The following CNTNAP2 variants were observed in gnomAD, a reference collection of about 807,000 sequenced individuals.
The protein encoded by CNTNAP2 is contactin associated protein 2.
A neutral mutation model predicts 155.2 loss-of-function variants in CNTNAP2; 98 were observed. The observed-to-expected ratio is 0.63, with a 90% confidence interval of 0.54 to 0.75. The LOEUF (loss-of-function observed/expected upper bound fraction) is 0.75. CNTNAP2 is among the 30% of genes least tolerant of loss of function. CNTNAP2 has a pLI of 0.00. For missense variants in CNTNAP2, 1,727 were observed against 1,688.1 expected (o/e 1.02, Z -0.40); for synonymous variants, 651 against 631.2 (o/e 1.03, Z -0.47).
At chr7:146,252,610 A>G (rs1226892293) in intron 1 of CNTNAP2, among the ~76,000 whole-genome samples, 4 of 152,258 alleles carry the variant, frequency 2.6e-5, no homozygotes, top group African/African-American at 9.6e-5. Flanking sequence ...AGAGTCTGAA[A>G]GCAAGCTTGG....
intron 1 of CNTNAP2, among the ~76,000 whole-genome samples, chr7:146,559,508 G>A (rs1798249181): frequency 6.6e-6 from 1 of 151,948 alleles, no homozygotes; most frequent in African/African-American, 2.4e-5. Context: ...TGCGGAGGAT[G>A]CAGGGAGCCG....
chr7:147,782,327 T>C (rs1484105364), intron 13 of CNTNAP2, among the ~76,000 whole-genome samples: 2 of 152,212 alleles, frequency 1.3e-5, no homozygotes, highest in East Asian at 1.9e-4. Context: ...ATGTGAAAAG[T>C]ATGTCTTGCA....
At chr7:148,177,893 C>CTTTTT (rs745673645) in intron 18 of CNTNAP2, among the ~76,000 whole-genome samples, 1 of 72,718 alleles carries the variant, frequency 1.4e-5, no homozygotes, top group African/African-American at 6.4e-5. Context: ...TGAACAGACA[C>CTTTTT]TGTTTTTTTT....
chr7:146,635,643 G>A (rs1270805572), intron 1 of CNTNAP2, among the ~76,000 whole-genome samples: 1 of 152,122 alleles, frequency 6.6e-6, no homozygotes, highest in Non-Finnish European at 1.5e-5. Context: ...GACTGTAAGA[G>A]GCTTTTGTCT....
rs139157902 is a variant in CNTNAP2 at position 147,031,063 on chromosome 7, T to C, written c.403-12844T>C. 2.0e-3 allele frequency among the ~76,000 whole-genome samples: 298 copies of C among 152,324 alleles called. 2 individuals carry two copies. The highest frequency in any genetic ancestry group is 5.9e-3 in the African/African-American group (245 of 41,570). ...TCTTCTACATTTTCGTATCCATTTC[T>C]ACCTCCAAACCTCTGCTTCTTAGGT... On this transcript the variant is annotated intron_variant, in intron 3 of 23. Coordinates refer to ENST00000361727, the MANE Select transcript of CNTNAP2 (RefSeq NM_014141.6).
chr7:146,875,934 CAAAAAAAAAAAAAAAA>C (rs56304234), intron 3 of CNTNAP2, among the ~76,000 whole-genome samples: 1 of 55,134 alleles, frequency 1.8e-5, no homozygotes, highest in African/African-American at 6.1e-5. Context: ...ACATACACAG[CAAAAAAAAAAAAAAAA>C]AAAAAAAAAA....
In CNTNAP2 at chr7:147,154,133, C is replaced by T. The variant is rs1435712127; in HGVS notation, c.1348+21624C>T. On this transcript the variant is annotated intron_variant, in intron 8 of 23. Coordinates refer to ENST00000361727, the MANE Select transcript of CNTNAP2 (RefSeq NM_014141.6). ...ACAAAAAAAAAGAAGAATAATTACCCACTAGATGTAATAACATTCATAATG... is the reference window on the plus strand; with the variant it reads ...ACAAAAAAAAAGAAGAATAATTACCTACTAGATGTAATAACATTCATAATG... 2.0e-5 allele frequency among the ~76,000 whole-genome samples: 3 copies of T among 152,070 alleles called. No individual in the cohort carries two copies. The East Asian group carries it at 5.8e-4, about 30-fold the overall frequency.
intron 18 of CNTNAP2, among the ~76,000 whole-genome samples, chr7:148,175,853 A>G (rs1794924987): frequency 6.6e-6 from 1 of 151,508 alleles, no homozygotes; most frequent in Admixed American, 6.6e-5. Context: ...CATCCTCCTT[A>G]TCATCCTCCT....
intron 13 of CNTNAP2, among the ~76,000 whole-genome samples, chr7:147,702,654 T>C (rs886638812): frequency 6.6e-6 from 1 of 151,974 alleles, no homozygotes; most frequent in Non-Finnish European, 1.5e-5. Flanking sequence ...TTCCGGAGGC[T>C]TGCAGATGGA....
chr7:146,611,090 G>T (rs553879867), intron 1 of CNTNAP2, among the ~76,000 whole-genome samples: 1 of 152,136 alleles, frequency 6.6e-6, no homozygotes, highest in Non-Finnish European at 1.5e-5. Flanking sequence ...AAGCAAAGCC[G>T]TTTATGTATT....
chr7:147,223,254 G>T (rs1352523078), intron 8 of CNTNAP2, among the ~76,000 whole-genome samples: 1 of 152,096 alleles, frequency 6.6e-6, no homozygotes, highest in Non-Finnish European at 1.5e-5. Flanking sequence ...TTCAAAGGGA[G>T]GACTCTAAAC....
At chr7:147,423,314 T>C (rs1797327374) in intron 10 of CNTNAP2, among the ~76,000 whole-genome samples, 1 of 152,198 alleles carries the variant, frequency 6.6e-6, no homozygotes, top group African/African-American at 2.4e-5. Context: ...CTGATGTTTG[T>C]TTCAAGGATC....
intron 8 of CNTNAP2, among the ~76,000 whole-genome samples, chr7:147,220,398 C>A (rs940196578): frequency 6.6e-6 from 1 of 152,164 alleles, no homozygotes; most frequent in African/African-American, 2.4e-5. Flanking sequence ...ATAGACAACA[C>A]AGAGTTGAGT....
At chr7:147,350,691 T>C (rs1340050379) in intron 9 of CNTNAP2, among the ~76,000 whole-genome samples, 5 of 151,814 alleles carry the variant, frequency 3.3e-5, no homozygotes, top group Non-Finnish European at 7.4e-5. Context: ...GTATAAAATA[T>C]GCATTCAGTA....
intron 10 of CNTNAP2, among the ~76,000 whole-genome samples, chr7:147,474,803 AAGG>A (rs1209165242): frequency 6.6e-6 from 1 of 152,160 alleles, no homozygotes; most frequent in Non-Finnish European, 1.5e-5. Flanking sequence ...AAGCTCAATC[AAGG>A]AGAAGTTTAG....
At chr7:148,223,552 A>C (rs1449053976) in intron 19 of CNTNAP2, among the ~76,000 whole-genome samples, 1 of 152,230 alleles carries the variant, frequency 6.6e-6, no homozygotes, top group Non-Finnish European at 1.5e-5. Context: ...CAGCATTTGA[A>C]TAATGTTTTA....
intron 3 of CNTNAP2, among the ~76,000 whole-genome samples, chr7:146,995,758 T>A (rs762668836): frequency 2.0e-5 from 3 of 152,220 alleles, no homozygotes; most frequent in Admixed American, 6.5e-5. Flanking sequence ...AAGCACTCCA[T>A]GAATGTATCA....
chr7:146,568,140 A>G lies in CNTNAP2; in HGVS notation c.98-206131A>G, dbSNP rs116632881. ...TTGGATAGATCCACCCATGTCAAGC[A>G]GACCCAAATGTTTTCTTTTGACTTC... is the stretch of plus-strand genomic sequence containing the variant. On this transcript the variant is annotated intron_variant, in intron 1 of 23. Transcript: ENST00000361727. Among the ~76,000 whole-genome samples the G allele has an allele frequency of 8.5e-3, 1,288 of 152,284 alleles. 12 individuals carry two copies. The highest frequency in any genetic ancestry group is 0.029 in the African/African-American group (1,224 of 41,564).
At chr7:147,900,968 C>A (rs1799859316) in intron 13 of CNTNAP2, among the ~76,000 whole-genome samples, 1 of 152,126 alleles carries the variant, frequency 6.6e-6, no homozygotes, top group African/African-American at 2.4e-5. Flanking sequence ...ATTATCTTTT[C>A]TTCAACATTC....
Sources: allele counts gnomAD v4.1 joint callset (sites outside exome capture counted in the v4.1 genomes callset), GRCh38; gene constraint gnomAD v4.1.1; transcripts MANE v1.5; gene names NCBI Gene and HGNC (gene_info 2026-07-23, HGNC 2026-07-21).